Variants in LRRC49 observed in about 807,000 individuals in gnomAD.
The protein encoded by LRRC49 is leucine rich repeat containing 49, also known as leucine-rich repeat-containing protein 49.
In LRRC49, 50 loss-of-function variants were observed where a neutral mutation model predicts 83.3. The ratio of observed to expected loss-of-function variants is 0.60; its 90% CI spans 0.48 to 0.76. The LOEUF (loss-of-function observed/expected upper bound fraction) is 0.76, where lower values mean the gene tolerates loss of function less well. Among genes scored for constraint, LRRC49 ranks in the 30% least tolerant of loss-of-function variants. LRRC49 has a pLI of 0.00. For missense variants in LRRC49, 704 were observed against 809.1 expected (o/e 0.87, Z 1.58); for synonymous variants, 286 against 283.3 (o/e 1.01, Z -0.10).
intron 1 of LRRC49, among the ~76,000 whole-genome samples, chr15:70,871,380 T>A (rs541426509): frequency 5.6e-4 from 86 of 152,292 alleles, no homozygotes; most frequent in African/African-American, 1.9e-3. Context: ...AACAATCTGA[T>A]CTCTCTTTCC....
At chr15:70,892,566 A>G (rs1595986835), upstream of LRRC49, 1 of 1,489,030 alleles carries the variant, frequency 6.7e-7, no homozygotes, top group East Asian at 2.6e-5. Flanking sequence ...GTAAAGAGGA[A>G]CGGACCGGAA....
At chr15:71,041,742 C>A (rs1884995909) in intron 15 of LRRC49, among the ~76,000 whole-genome samples, 1 of 152,008 alleles carries the variant, frequency 6.6e-6, no homozygotes, top group Non-Finnish European at 1.5e-5. Flanking sequence ...TTTGTTGAGG[C>A]TTTTTGACAA....
At chr15:70,943,268 G>C (rs1452678096) in intron 8 of LRRC49, among the ~76,000 whole-genome samples, 1 of 152,080 alleles carries the variant, frequency 6.6e-6, no homozygotes, top group East Asian at 1.9e-4. Context: ...ATCTATATGG[G>C]TCTGCAGCAA....
intron 6 of LRRC49, among the ~76,000 whole-genome samples, chr15:70,917,651 C>T (rs1265928113): frequency 6.6e-6 from 1 of 152,178 alleles, no homozygotes; most frequent in Non-Finnish European, 1.5e-5. Flanking sequence ...TTTCCTAGTA[C>T]AGAGGAGCTA....
In LRRC49 at chr15:70,939,902, C is replaced by G. The variant is rs1323761252; in HGVS notation, c.773+3080C>G. Among the ~76,000 whole-genome samples, 6 of 141,078 alleles carry G rather than the reference C, an allele frequency of 4.3e-5. No homozygotes were observed. The East Asian group carries it at 8.3e-4, about 19-fold the overall frequency. The allele number at this position is 141,078 out of a possible 152,430, so 92.6% of individuals were successfully genotyped here. ...ATGCTGTTTTAAGTTCTCTAATGAC[C>G]TTTGTTAGTACATATGTTAGTACAT... On this transcript the variant is annotated intron_variant, in intron 8 of 15. Transcript: ENST00000260382.
Position 70,885,820 on chromosome 15 carries a change from G to T in LRRC49, c.19-7764G>T, listed in dbSNP as rs572711601. Among the ~76,000 whole-genome samples the T allele has an allele frequency of 7.2e-5, 11 of 152,170 alleles. No individual in the cohort carries two copies. The South Asian group carries it at 2.1e-3, about 29-fold the overall frequency. ...AGTAATTAAGATAAAAATTCCAAAA[G>T]GATATAGGAAATTTAAACATGATTA... is the stretch of plus-strand genomic sequence containing the variant. On this transcript the variant is annotated intron_variant, in intron 2 of 16. Transcript: ENST00000544974.
rs1312162320 is a variant in LRRC49, at chr15:70,904,755, G to A, written c.500G>A (p.Arg167Lys). The part of the protein sequence containing the change: ...CLRVLLLGKN[R>K]IKKISNLENL... ...CGTGTCCTTCTGTTGGGGAAAAACA[G>A]GTATTCTTTGTAGAGCAGTTTTTGT... is the stretch of plus-strand genomic sequence containing the variant. Residue 167 changes from arginine (R) to lysine (K), a missense_variant and splice_region_variant, in exon 5 of 16, where the codon AGA (arginine) becomes AAA (lysine). Coordinates refer to ENST00000260382, the MANE Select transcript of LRRC49 (RefSeq NM_017691.5). 2 of 1,609,284 alleles carry A rather than the reference G, an allele frequency of 1.2e-6. No homozygotes were observed. The highest frequency in any genetic ancestry group is 1.1e-5 in the South Asian group (1 of 90,466).
chr15:71,041,691 T>G (rs1047985834), intron 15 of LRRC49, among the ~76,000 whole-genome samples: 1 of 152,160 alleles, frequency 6.6e-6, no homozygotes, highest in Non-Finnish European at 1.5e-5. Context: ...TTCTTTAACT[T>G]AAAAATTTCA....
intron 5 of LRRC49, 115 bp downstream of exon 5, chr15:70,904,870 A>G: frequency 1.4e-6 from 1 of 705,950 alleles, no homozygotes; most frequent in Non-Finnish European, 2.4e-6. Flanking sequence ...TTTTTTAAAA[A>G]TTATTTGAAT....
Position 71,035,347 on chromosome 15 carries a change from A to G in LRRC49, c.1704-1832A>G, listed in dbSNP as rs553975167. Among the ~76,000 whole-genome samples the G allele has an allele frequency of 1.3e-3, 200 of 152,130 alleles. 1 individual carries two copies. The highest frequency in any genetic ancestry group is 2.4e-3 in the Non-Finnish European group (162 of 67,996). On this transcript the variant is annotated intron_variant, in intron 14 of 15. Transcript: ENST00000260382. ...TGAACATTATTATTGTTTTTTTTAA[A>G]GATTTATTTTTTTTTATACTTTAAG...
chr15:70,888,072 A>G (rs2033457102), upstream of LRRC49, among the ~76,000 whole-genome samples: 1 of 152,208 alleles, frequency 6.6e-6, no homozygotes, highest in Non-Finnish European at 1.5e-5. Flanking sequence ...ATGTTCATGG[A>G]TTAGAAGAGT....
intron 14 of LRRC49, among the ~76,000 whole-genome samples, 158 bp downstream of exon 14, chr15:71,013,071 G>A (rs982416268): frequency 6.6e-6 from 1 of 152,150 alleles, no homozygotes; most frequent in Non-Finnish European, 1.5e-5. Context: ...TAAATAAGAT[G>A]AAGTCCTTAT....
chr15:70,953,613 C>CAT (rs2036296224), intron 8 of LRRC49, among the ~76,000 whole-genome samples: 1 of 152,118 alleles, frequency 6.6e-6, no homozygotes, highest in Non-Finnish European at 1.5e-5. Context: ...GATCATCTTG[C>CAT]ATAGTATCTC....
intron 8 of LRRC49, among the ~76,000 whole-genome samples, chr15:70,957,324 A>C (rs1257079525): frequency 6.6e-6 from 1 of 152,182 alleles, no homozygotes; most frequent in Non-Finnish European, 1.5e-5. Flanking sequence ...TCTATAATAA[A>C]ATTAAGTTTT....
intron 2 of LRRC49, among the ~76,000 whole-genome samples, chr15:70,894,120 TC>T (rs1218271217): frequency 1.3e-5 from 2 of 152,208 alleles, no homozygotes; most frequent in Non-Finnish European, 2.9e-5. Flanking sequence ...GTTCTCGAGC[TC>T]CTGAGCTGAA....
chr15:70,960,404 T>G (rs1157417844), intron 8 of LRRC49, among the ~76,000 whole-genome samples: 1 of 152,222 alleles, frequency 6.6e-6, no homozygotes, highest in Non-Finnish European at 1.5e-5. Context: ...TGTGGTCTGA[T>G]GAGGAGTGAT....
chr15:70,952,502 T>C (rs766739290), intron 8 of LRRC49, among the ~76,000 whole-genome samples: 4 of 152,056 alleles, frequency 2.6e-5, no homozygotes, highest in Non-Finnish European at 5.9e-5. Context: ...AAGTGTGTGG[T>C]TGATTTTATT....
At chr15:71,035,003 G>C (rs752256040) in intron 14 of LRRC49, among the ~76,000 whole-genome samples, 2 of 152,134 alleles carry the variant, frequency 1.3e-5, no homozygotes, top group Non-Finnish European at 2.9e-5. Flanking sequence ...GTTTCACTGT[G>C]TAACAAAGCT....
At chr15:71,015,512 A>G (rs2038798077) in intron 14 of LRRC49, among the ~76,000 whole-genome samples, 1 of 152,140 alleles carries the variant, frequency 6.6e-6, no homozygotes, top group South Asian at 2.1e-4. Flanking sequence ...CTCAGCGGTA[A>G]TGCTTGCCCG....
Sources: allele counts gnomAD v4.1 joint callset (sites outside exome capture counted in the v4.1 genomes callset), GRCh38; gene constraint gnomAD v4.1.1; transcripts MANE v1.5; gene names NCBI Gene and HGNC (gene_info 2026-07-23, HGNC 2026-07-21).